Variants in CLVS2 observed in about 807,000 individuals in gnomAD.
CLVS2 encodes clavesin 2, also known as clavesin-2.
CLVS2 carries 19 observed loss-of-function variants against 29.0 expected under a neutral mutation model. That is an observed-to-expected ratio of 0.66 (90% CI 0.46 to 0.96). The LOEUF is 0.96. Ranked by LOEUF, CLVS2 falls within the 40% of genes least tolerant of loss-of-function variation. CLVS2 has a pLI of 0.00. For missense variants in CLVS2, 294 were observed against 404.1 expected, an observed-to-expected ratio of 0.73 and a Z score of 2.34; for synonymous variants, 161 against 151.3, an observed-to-expected ratio of 1.06 and a Z score of -0.47.
At chr6:123,004,707 G>A (rs1257267526) in intron 2 of CLVS2, among the ~76,000 whole-genome samples, 3 of 147,234 alleles carry the variant, frequency 2.0e-5, no homozygotes, top group Non-Finnish European at 4.5e-5. Flanking sequence ...GAGGTCAGGA[G>A]TTGGATACCA....
chr6:123,018,431 T>TTAAA (rs1215568311), intron 3 of CLVS2, among the ~76,000 whole-genome samples: 1 of 152,090 alleles, frequency 6.6e-6, no homozygotes, highest in Non-Finnish European at 1.5e-5. Context: ...TGCTTGTCTT[T>TTAAA]TAAATGTCTA....
At chr6:123,034,221 G>T (rs1775119927) in intron 3 of CLVS2, among the ~76,000 whole-genome samples, 1 of 152,010 alleles carries the variant, frequency 6.6e-6, no homozygotes, top group African/African-American at 2.4e-5. Context: ...CTAATGCAGA[G>T]AAATGAAAAC....
chr6:123,028,173 T>C (rs1490240540), intron 3 of CLVS2, among the ~76,000 whole-genome samples: 1 of 152,194 alleles, frequency 6.6e-6, no homozygotes, highest in East Asian at 1.9e-4. Context: ...CTGAATGTGA[T>C]TGTTCTCATT....
chr6:123,002,129 A>T (rs905014367), intron 2 of CLVS2, among the ~76,000 whole-genome samples: 17 of 152,350 alleles, frequency 1.1e-4, no homozygotes, highest in Admixed American at 4.6e-4. Flanking sequence ...TCTGGAATCT[A>T]GTTAATGGCC....
intron 3 of CLVS2, among the ~76,000 whole-genome samples, chr6:123,029,921 G>T (rs1775059211): frequency 6.6e-6 from 1 of 152,178 alleles, no homozygotes; most frequent in Admixed American, 6.5e-5. Flanking sequence ...CAAGAGCATG[G>T]TGTGACCAGT....
At chr6:123,024,768 C>T (rs989877034) in intron 3 of CLVS2, among the ~76,000 whole-genome samples, 2 of 152,056 alleles carry the variant, frequency 1.3e-5, no homozygotes, top group Non-Finnish European at 2.9e-5. Flanking sequence ...ATTTTAACAT[C>T]AGAAGTATGT....
At chr6:123,033,561 T>G (rs4255003) in intron 3 of CLVS2, among the ~76,000 whole-genome samples, 107,337 of 151,940 alleles carry the variant, frequency 0.71, 38,221 homozygotes, top group East Asian at 0.91. Context: ...AGGCAAAAAT[T>G]AATTCAAATG....
chr6:123,004,004 G>T (rs1420000717), intron 2 of CLVS2, among the ~76,000 whole-genome samples: 3 of 151,966 alleles, frequency 2.0e-5, no homozygotes, highest in East Asian at 3.9e-4. Flanking sequence ...CTAGGGAAAG[G>T]CAAATGTATA....
chr6:123,049,528 T>C (rs1163321738), intron 4 of CLVS2, among the ~76,000 whole-genome samples: 1 of 152,176 alleles, frequency 6.6e-6, no homozygotes, highest in African/African-American at 2.4e-5. Flanking sequence ...CTTACTCACA[T>C]ACACAGAAGA....
chr6:123,028,866 C>T (rs929458147), intron 3 of CLVS2, among the ~76,000 whole-genome samples: 1 of 152,092 alleles, frequency 6.6e-6, no homozygotes, highest in African/African-American at 2.4e-5. Context: ...GTCAGTTTAT[C>T]GTCAATGCTA....
chr6:123,006,721 G>C lies in CLVS2; in HGVS notation c.390-4264G>C, dbSNP rs115388249. Among the ~76,000 whole-genome samples the C allele has an allele frequency of 6.9e-3, 1,057 of 152,332 alleles. 7 individuals carry two copies. Among genetic ancestry groups the C allele is most frequent in the African/African-American group, 0.023 (974 of 41,576 alleles). ...TACACTAATATATGTCAGGTAGCAA[G>C]GAGTCACTAAGGTGCTGATGTTCAG... On this transcript the variant is annotated intron_variant, in intron 2 of 5. Coordinates refer to ENST00000275162, the MANE Select transcript of CLVS2 (RefSeq NM_001010852.4).
At chr6:123,002,120 C>G (rs1423195162) in intron 2 of CLVS2, among the ~76,000 whole-genome samples, 1 of 152,194 alleles carries the variant, frequency 6.6e-6, no homozygotes, top group Non-Finnish European at 1.5e-5. Context: ...AACCATTTAT[C>G]TGGAATCTAG....
chr6:123,056,220 T>G (rs1175221778), intron 5 of CLVS2, among the ~76,000 whole-genome samples, 194 bp downstream of exon 5: 1 of 152,216 alleles, frequency 6.6e-6, no homozygotes, highest in East Asian at 1.9e-4. Context: ...ACATTTAAAA[T>G]TTATTCTCTT....
chr6:123,007,800 T>C (rs1050448347), intron 2 of CLVS2, among the ~76,000 whole-genome samples: 2 of 152,202 alleles, frequency 1.3e-5, no homozygotes, highest in African/African-American at 4.8e-5. Context: ...GCTGCAATTA[T>C]GTGCTAGTTT....
At chr6:123,010,763 A>G (rs1774736273) in intron 2 of CLVS2, among the ~76,000 whole-genome samples, 1 of 152,064 alleles carries the variant, frequency 6.6e-6, no homozygotes, top group Admixed American at 6.6e-5. Context: ...AAAATATGAA[A>G]AAGCGTTTCC....
At position 123,071,674 on chromosome 6, in the gene CLVS2, A is replaced by G. The variant is rs1469837782; in HGVS notation, c.*7913A>G. Reference sequence around the variant, plus strand: ...TTTAATGGAAAGGGGAAGAAGAGGAAGAAAAAGGAAAGACATTGTGTTCGT... The same window carrying G: ...TTTAATGGAAAGGGGAAGAAGAGGAGGAAAAAGGAAAGACATTGTGTTCGT... On this transcript the variant is annotated 3_prime_UTR_variant, in exon 6 of 6. Transcript: ENST00000275162. 1 of 152,058 alleles carries G rather than the reference A, an allele frequency of 6.6e-6. No homozygotes were observed. The highest frequency in any genetic ancestry group is 1.5e-5 in the Non-Finnish European group (1 of 67,950). The allele number at this position is 152,058 out of a possible 1,614,324, so 9.4% of individuals were successfully genotyped here.
chr6:123,031,125 A>G (rs1460372613), intron 3 of CLVS2, among the ~76,000 whole-genome samples: 1 of 151,828 alleles, frequency 6.6e-6, no homozygotes, highest in Admixed American at 6.6e-5. Context: ...GTGCACCACC[A>G]TGCCTGGCTA....
At chr6:123,031,669 T>C (rs926153749) in intron 3 of CLVS2, among the ~76,000 whole-genome samples, 4 of 152,186 alleles carry the variant, frequency 2.6e-5, no homozygotes, top group African/African-American at 9.7e-5. Context: ...TATGCCTCAA[T>C]AGAGCTGGGG....
intron 5 of CLVS2, among the ~76,000 whole-genome samples, chr6:123,057,878 A>G (rs995464987): frequency 1.3e-5 from 2 of 152,300 alleles, no homozygotes; most frequent in Non-Finnish European, 2.9e-5. Flanking sequence ...TAAGGGGTTC[A>G]TGGATGGGCT....
Sources: gnomAD v4.1 joint callset for allele counts (sites outside exome capture counted in the v4.1 genomes callset) on GRCh38, gnomAD v4.1.1 for gene constraint, MANE v1.5 for transcripts, NCBI Gene and HGNC (gene_info 2026-07-23, HGNC 2026-07-21) for gene names.